Variants in ABCA12 observed in about 807,000 individuals in gnomAD.
The protein encoded by ABCA12 is glucosylceramide transporter ABCA12.
Under a neutral mutation model 293.5 loss-of-function variants are expected in ABCA12, and 156 were observed. That is an observed-to-expected ratio of 0.53 (90% CI 0.47 to 0.61). The LOEUF (loss-of-function observed/expected upper bound fraction) is 0.61. ABCA12 is among the 20% of genes least tolerant of loss of function. The pLI, the probability that ABCA12 is intolerant of heterozygous loss-of-function variation, is 0.00. For synonymous variants in ABCA12, 1,063 were observed against 1,108.0 expected, an observed-to-expected ratio of 0.96 and a Z score of 0.81; for missense variants, 2,797 against 3,090.2, an observed-to-expected ratio of 0.91 and a Z score of 2.25.
chr2:215,029,838 G>A (rs1057128875), intron 9 of ABCA12, among the ~76,000 whole-genome samples: 2 of 152,134 alleles, frequency 1.3e-5, no homozygotes, highest in Non-Finnish European at 2.9e-5. Context: ...GCACATTCAT[G>A]TTCATAAGTA....
In ABCA12 at chr2:215,138,336, G is replaced by T. The variant is rs890268900; in HGVS notation, c.-128C>A. The T allele has an allele frequency of 6.0e-6, 6 of 1,004,134 alleles. No individual in the cohort carries two copies. The highest frequency in any genetic ancestry group is 9.5e-6 in the Non-Finnish European group (6 of 632,544). 62.2% of individuals were successfully genotyped at this position (1,004,134 alleles called of 1,614,324 possible). A position where few individuals can be genotyped will look rare whatever the true frequency, so the allele number is the denominator to read the frequency against. On this transcript the variant is annotated 5_prime_UTR_variant, in exon 1 of 53. Transcript: ENST00000272895. ...CCTTTCACGGCATAGCTTCCTTGAG[G>T]GCTGGGGTAAGAAACCCACAGTTCT...
chr2:215,032,527 C>T (rs529657043), intron 8 of ABCA12: 2 of 153,070 alleles, frequency 1.3e-5, no homozygotes, highest in African/African-American at 2.4e-5. Flanking sequence ...AGATCTAATT[C>T]AACACCATGA....
intron 1 of ABCA12, among the ~76,000 whole-genome samples, chr2:215,121,990 C>T (rs1439778898): frequency 6.6e-6 from 1 of 152,176 alleles, no homozygotes; most frequent in African/African-American, 2.4e-5. Context: ...GACTAATACA[C>T]TGGTGTGCCT....
intron 46 of ABCA12, 27 bp from the exon 47 acceptor site, chr2:214,948,764 A>T (rs1432832678): frequency 6.2e-7 from 1 of 1,613,900 alleles, no homozygotes; most frequent in South Asian, 1.1e-5. Context: ...AAAAACACAG[A>T]TGAATTTCAA....
chr2:214,934,293 GT>G, intron 51 of ABCA12, 78 bp from the exon 52 acceptor site: 2 of 1,525,784 alleles, frequency 1.3e-6, no homozygotes, highest in Non-Finnish European at 1.8e-6. Flanking sequence ...TTTACCAAGA[GT>G]TCAGGAAAAT....
At chr2:214,955,589 C>T (rs914573669) in intron 42 of ABCA12, among the ~76,000 whole-genome samples, 27 of 152,178 alleles carry the variant, frequency 1.8e-4, no homozygotes, top group African/African-American at 5.5e-4. Context: ...AGGCTGAGGT[C>T]GGAGGATCAA....
intron 39 of ABCA12, 32 bp from the exon 40 acceptor site, chr2:214,959,110 G>T (rs771083684): frequency 6.3e-7 from 1 of 1,580,370 alleles, no homozygotes; most frequent in Non-Finnish European, 8.7e-7. Flanking sequence ...CTATTAGTAG[G>T]TATTCAGTTA....
At chr2:214,958,602 A>G in intron 40 of ABCA12, 148 bp from the exon 41 acceptor site, 1 of 795,990 alleles carries the variant, frequency 1.3e-6, no homozygotes, top group Non-Finnish European at 2.1e-6. Context: ...GCCAGATAAT[A>G]TTTCCAACGT....
At position 215,030,760 on chromosome 2, in the gene ABCA12, G is replaced by T. The variant is rs144034462; in HGVS notation, c.1061+1061C>A. Among the ~76,000 whole-genome samples the T allele has an allele frequency of 8.1e-4, 124 of 152,238 alleles. 1 individual carries two copies. The highest frequency in any genetic ancestry group is 2.9e-3 in the African/African-American group (122 of 41,532). On this transcript the variant is annotated intron_variant, in intron 9 of 52. Coordinates refer to ENST00000272895, the MANE Select transcript of ABCA12 (RefSeq NM_173076.3). ...AAAGAGGAGGTAGTTGTTTATGCAAGGATTTTGGCCAGAATCTACTCAGAG... is the reference window on the plus strand; with the variant it reads ...AAAGAGGAGGTAGTTGTTTATGCAATGATTTTGGCCAGAATCTACTCAGAG...
intron 19 of ABCA12, among the ~76,000 whole-genome samples, chr2:215,004,599 C>A (rs770185195): frequency 1.3e-4 from 20 of 152,196 alleles, no homozygotes; most frequent in Non-Finnish European, 2.6e-4. Flanking sequence ...GATTTTTCCT[C>A]ATGGCTATAT....
chr2:215,100,462 G>A (rs1177270731), intron 2 of ABCA12, among the ~76,000 whole-genome samples: 2 of 152,050 alleles, frequency 1.3e-5, no homozygotes, highest in Non-Finnish European at 2.9e-5. Context: ...ACATCCAGTA[G>A]TTTTCATTGC....
At chr2:215,033,898 G>A (rs981667729) in intron 8 of ABCA12, among the ~76,000 whole-genome samples, 21 of 152,092 alleles carry the variant, frequency 1.4e-4, no homozygotes, top group Admixed American at 2.6e-4. Flanking sequence ...CCGAGATCAT[G>A]CCACTGCACT....
At position 214,979,067 on chromosome 2, in the gene ABCA12, C is replaced by T. The variant is rs544039517; in HGVS notation, c.4741-27G>A. The T allele has an allele frequency of 4.4e-6, 7 of 1,591,578 alleles. No individual in the cohort carries two copies. The African/African-American group carries it at 8.0e-5, about 18-fold the overall frequency. ...TAAGAGAGAAAAGTAGGAATTAAAA[C>T]ACTCTCCTCTCTTTACACTATAGTG... On this transcript the variant is annotated intron_variant, in intron 31 of 52. Coordinates refer to ENST00000272895, the MANE Select transcript of ABCA12 (RefSeq NM_173076.3).
intron 2 of ABCA12, among the ~76,000 whole-genome samples, chr2:215,081,521 AAAAGT>A (rs1452751228): frequency 4.6e-5 from 7 of 151,352 alleles, no homozygotes; most frequent in African/African-American, 1.7e-4. Flanking sequence ...AGAAAAAAGA[AAAAGT>A]AAAAGAAAAA....
chr2:215,117,842 A>G (rs1484585121), intron 1 of ABCA12, among the ~76,000 whole-genome samples: 1 of 152,246 alleles, frequency 6.6e-6, no homozygotes, highest in Non-Finnish European at 1.5e-5. Flanking sequence ...ATCCTAGAGC[A>G]GAGGTAACAG....
In ABCA12 at chr2:214,990,725, T is replaced by C. The variant is rs933982961; in HGVS notation, c.3601A>G (p.Ser1201Gly). The C allele has an allele frequency of 1.9e-6, 3 of 1,613,892 alleles. No individual in the cohort carries two copies. The African/African-American group carries it at 4.0e-5, about 22-fold the overall frequency. Residue 1201 changes from serine (S) to glycine (G), a missense_variant, in exon 24 of 53, where the codon AGC becomes GGC. Transcript: ENST00000272895. The part of the protein sequence containing the change: ...IVLVTVENEL[S>G]YVLKVFMSLL... ...ACCATGAACACTTTCAATACATAGCTCAACTCATTCTCCACTGTAACCAGA... is the reference window on the plus strand; with the variant it reads ...ACCATGAACACTTTCAATACATAGCCCAACTCATTCTCCACTGTAACCAGA...
At chr2:215,097,202 C>T (rs566164588) in intron 2 of ABCA12, among the ~76,000 whole-genome samples, 1 of 152,160 alleles carries the variant, frequency 6.6e-6, no homozygotes, top group East Asian at 1.9e-4. Context: ...TCTTCCTTTC[C>T]TTACAAAACT....
At chr2:215,116,012 G>C (rs548433469) in intron 1 of ABCA12, among the ~76,000 whole-genome samples, 1 of 152,190 alleles carries the variant, frequency 6.6e-6, no homozygotes, top group South Asian at 2.1e-4. Context: ...CCCATTAGGG[G>C]AGTCAGGCTT....
At chr2:215,134,125 C>T (rs1372886810) in intron 1 of ABCA12, among the ~76,000 whole-genome samples, 10 of 151,674 alleles carry the variant, frequency 6.6e-5, no homozygotes. Flanking sequence ...TTAAAGATTC[C>T]CTTTTTTATA....
Sources: allele counts gnomAD v4.1 joint callset (sites outside exome capture counted in the v4.1 genomes callset), GRCh38; gene constraint gnomAD v4.1.1; transcripts MANE v1.5; gene names NCBI Gene and HGNC (gene_info 2026-07-23, HGNC 2026-07-21).